Variants in SLC41A1 observed in about 807,000 individuals in gnomAD.
SLC41A1 encodes solute carrier family 41 (magnesium transporter), member 1.
A neutral mutation model predicts 47.3 loss-of-function variants in SLC41A1; 20 were observed. The observed-to-expected ratio is 0.42, with a 90% CI of 0.30 to 0.61. SLC41A1 has a LOEUF of 0.61. SLC41A1 is among the 20% of genes least tolerant of loss of function. SLC41A1 has a pLI of 0.17. For synonymous variants in SLC41A1, 282 were observed against 272.7 expected (o/e 1.03, Z -0.34); for missense variants, 504 against 674.1 (o/e 0.75, Z 2.79).
Position 205,791,493 on chromosome 1 carries a change from A to G in SLC41A1, c.*40T>C. 6.2e-7 allele frequency: 1 copy of G among 1,613,606 alleles called. No homozygotes were observed. The highest frequency in any genetic ancestry group is 8.5e-7 in the Non-Finnish European group (1 of 1,179,658). On this transcript the variant is annotated 3_prime_UTR_variant, in exon 11 of 11. Transcript: ENST00000367137. The surrounding 1 kb of genome is among the most constrained non-coding windows in gnomAD (Gnocchi z 4.0). Reference sequence around the variant, plus strand: ...GGGGAACAAAAGAAAAATTTCAAATAGAAAGTGCAGAGGGATGGGGAAAAT... The same window carrying G: ...GGGGAACAAAAGAAAAATTTCAAATGGAAAGTGCAGAGGGATGGGGAAAAT...
At chr1:205,797,466 A>G (rs1236037510) in intron 7 of SLC41A1, among the ~76,000 whole-genome samples, 2 of 152,256 alleles carry the variant, frequency 1.3e-5, no homozygotes, top group Non-Finnish European at 2.9e-5. Flanking sequence ...TGCAGCCCCA[A>G]GGCCACGCTG....
At chr1:205,807,307 G>A (rs1225533892) in intron 2 of SLC41A1, among the ~76,000 whole-genome samples, 1 of 152,142 alleles carries the variant, frequency 6.6e-6, no homozygotes. Context: ...GAAGGCTGGG[G>A]GAGGAGGACA....
At chr1:205,799,872 A>G (rs1655840370) in intron 3 of SLC41A1, 42 bp from the exon 4 acceptor site, 1 of 1,570,186 alleles carries the variant, frequency 6.4e-7, no homozygotes, top group Non-Finnish European at 8.8e-7. Context: ...CAGGCTGGAA[A>G]AGGCCTGAAG....
At chr1:205,804,978 C>T (rs1655981191) in intron 2 of SLC41A1, among the ~76,000 whole-genome samples, 2 of 152,238 alleles carry the variant, frequency 1.3e-5, no homozygotes, top group South Asian at 4.1e-4. Context: ...CAGCTAAGTT[C>T]CTCTGGTTGC....
chr1:205,798,010 C>A lies in SLC41A1; in HGVS notation c.886G>T (p.Val296Leu), dbSNP rs779830560. 3.2e-5 allele frequency: 51 copies of A among 1,613,992 alleles called. No individual in the cohort carries two copies. Among genetic ancestry groups the A allele is most frequent in the Non-Finnish European group, 3.9e-5 (46 of 1,180,038 alleles). ...ACCACCCAGACAGGCAGCAGGGCCA[C>A]AAAGAAAGCACACACCAGTGGGTAG... ...YIYPLVCAFF[V>L]ALLPVWVVLA... is the part of the protein sequence containing the mutation. Residue 296 changes from valine (V) to leucine (L), a missense_variant, in exon 7 of 11, where the codon GTG becomes TTG. Coordinates refer to ENST00000367137, the MANE Select transcript of SLC41A1 (RefSeq NM_173854.6).
At chr1:205,809,301 C>T (rs1656086536) in intron 2 of SLC41A1, among the ~76,000 whole-genome samples, 1 of 152,142 alleles carries the variant, frequency 6.6e-6, no homozygotes, top group African/African-American at 2.4e-5. Context: ...ATTCCATGTC[C>T]CACCGACTCT....
At position 205,794,468 on chromosome 1, in the gene SLC41A1, G is replaced by C. The variant is rs1485539246; in HGVS notation, c.1356+402C>G. Among the ~76,000 whole-genome samples, 5 of 152,144 alleles carry C rather than the reference G, an allele frequency of 3.3e-5. 1 individual carries two copies. The highest frequency in any genetic ancestry group is 7.4e-5 in the Non-Finnish European group (5 of 68,020). On this transcript the variant is annotated intron_variant, in intron 10 of 10. Transcript: ENST00000367137. ...TGCAGTGGTTTTGACAGTTTTTCAAGCTATGGGATGCTTTATGCAAATGAA... is the reference window on the plus strand; with the variant it reads ...TGCAGTGGTTTTGACAGTTTTTCAACCTATGGGATGCTTTATGCAAATGAA...
chr1:205,796,613 C>T (rs1411680887), intron 8 of SLC41A1: 4 of 406,554 alleles, frequency 9.8e-6, no homozygotes, highest in South Asian at 5.2e-5. Context: ...AACTTCTTTT[C>T]GTTATAAATT....
chr1:205,798,015 A>C lies in SLC41A1; in HGVS notation c.881T>G (p.Phe294Cys), dbSNP rs1345798664. The change falls in exon 7 of 11, where the codon TTC (phenylalanine) becomes TGC (cysteine). Residue 294 changes from phenylalanine to cysteine, a missense_variant. Transcript: ENST00000367137. Reference protein sequence around the residue: ...WRYIYPLVCAFFVALLPVWVV... With the variant: ...WRYIYPLVCACFVALLPVWVV... ...CCAGACAGGCAGCAGGGCCACAAAGAAAGCACACACCAGTGGGTAGATGTA... is the reference window on the plus strand; with the variant it reads ...CCAGACAGGCAGCAGGGCCACAAAGCAAGCACACACCAGTGGGTAGATGTA... 30 of 1,613,954 alleles carry C rather than the reference A, an allele frequency of 1.9e-5. No individual in the cohort carries two copies. Among genetic ancestry groups the C allele is most frequent in the Non-Finnish European group, 2.4e-5 (28 of 1,180,022 alleles).
Position 205,798,947 on chromosome 1 carries a change from C to T in SLC41A1, c.697+10G>A. 6.2e-7 allele frequency: 1 copy of T among 1,614,120 alleles called. No homozygotes were observed. The highest frequency in any genetic ancestry group is 8.5e-7 in the Non-Finnish European group (1 of 1,180,024). On this transcript the variant is annotated intron_variant, in intron 5 of 10. Transcript: ENST00000367137. ...GCACTCCTTACTCCTCTATGCCCTC[C>T]CTTTCTTACCCAGTACCAGGGAGGC... is the stretch of plus-strand genomic sequence containing the variant.
In SLC41A1 at chr1:205,799,011, A is replaced by C. The variant is rs1283224089; in HGVS notation, c.643T>G (p.Phe215Val). The C allele has an allele frequency of 2.5e-6, 4 of 1,614,044 alleles. No individual in the cohort carries two copies. The highest frequency in any genetic ancestry group is 1.7e-5 in the Admixed American group (1 of 60,032). The change falls in exon 5 of 11, where the codon TTC becomes GTC. Residue 215 changes from phenylalanine (F) to valine (V), a missense_variant. Phe to Val is a conservative substitution (Grantham distance 50). Transcript: ENST00000367137. ...PDGHFSIPHA[F>V]LLCASSVATA... The stretch of plus-strand genomic sequence containing the variant: ...GCCACGCTGCTAGCACAGAGCAGGA[A>C]GGCGTGCGGAATACTGAAGTGGCCA...
At chr1:205,799,979 T>C in intron 3 of SLC41A1, 149 bp from the exon 4 acceptor site, 1 of 719,752 alleles carries the variant, frequency 1.4e-6, no homozygotes, top group Admixed American at 2.4e-5. Flanking sequence ...TGAAGCAGGA[T>C]CAGGGAAACT....
chr1:205,791,036 A>C lies in SLC41A1; in HGVS notation c.*497T>G. ...AGGTGTCTCCTGTCCAGAGCTTTGA[A>C]GTTGGTCCACTTCTACAAAAGTATG... On this transcript the variant is annotated 3_prime_UTR_variant, in exon 11 of 11. Transcript: ENST00000367137. The surrounding 1 kb of genome is among the most constrained non-coding windows in gnomAD (Gnocchi z 4.0). 11 of 222,546 alleles carry C rather than the reference A, an allele frequency of 4.9e-5. No homozygotes were observed. Among genetic ancestry groups the C allele is most frequent in the South Asian group, 3.4e-4 (5 of 14,858 alleles). 13.8% of individuals were successfully genotyped at this position (222,546 alleles called of 1,614,324 possible).
chr1:205,805,585 C>T (rs1655997907), intron 2 of SLC41A1, among the ~76,000 whole-genome samples: 1 of 152,152 alleles, frequency 6.6e-6, no homozygotes, highest in African/African-American at 2.4e-5. Flanking sequence ...AAGTGCTGCC[C>T]TGCTTGGAGG....
intron 2 of SLC41A1, among the ~76,000 whole-genome samples, chr1:205,807,650 C>CTT (rs71152452): frequency 0.051 from 4,970 of 98,152 alleles, 434 homozygotes; most frequent in Non-Finnish European, 0.054. Flanking sequence ...CTCGTAGAGT[C>CTT]TTTTTTTTTT....
Position 205,798,081 on chromosome 1 carries a change from G to T in SLC41A1, c.845-30C>A, listed in dbSNP as rs376687403. On this transcript the variant is annotated intron_variant, in intron 6 of 10. Coordinates refer to ENST00000367137, the MANE Select transcript of SLC41A1 (RefSeq NM_173854.6). ...GAGGGCAGAGGTCAGAAGGAGATAA[G>T]CACTGTGTTTCCCTACCCTAAGTTT... is the stretch of plus-strand genomic sequence containing the variant. The T allele has an allele frequency of 3.2e-5, 51 of 1,613,976 alleles. No individual in the cohort carries two copies. The African/African-American group carries it at 5.9e-4, about 19-fold the overall frequency.
intron 3 of SLC41A1, 44 bp from the exon 4 acceptor site, chr1:205,799,874 G>T: frequency 6.4e-7 from 1 of 1,559,014 alleles, no homozygotes; most frequent in Non-Finnish European, 8.8e-7. Context: ...GGCTGGAAAA[G>T]GCCTGAAGCT....
chr1:205,811,686 A>T lies in SLC41A1; in HGVS notation c.-646-599T>A, dbSNP rs1200292181. ...ACAAAGCTAGGAGGACTCCCTGGGC[A>T]GTGGGGCAAGCCTGCCAGACCAAGG... is the stretch of plus-strand genomic sequence containing the variant. On this transcript the variant is annotated intron_variant, in intron 1 of 10. Coordinates refer to ENST00000367137, the MANE Select transcript of SLC41A1 (RefSeq NM_173854.6). Among the ~76,000 whole-genome samples the T allele has an allele frequency of 2.0e-5, 3 of 152,338 alleles. No homozygotes were observed. In the East Asian group the frequency reaches 5.8e-4, roughly 29 times the overall value.
rs765909617 is a variant in SLC41A1, at chr1:205,791,656, G to A, written c.1419C>T (p.Asp473=). 1.2e-6 allele frequency: 2 copies of A among 1,614,088 alleles called. No individual in the cohort carries two copies. The highest frequency in any genetic ancestry group is 1.7e-6 in the Non-Finnish European group (2 of 1,180,024). Residue 473 remains aspartate, a synonymous_variant, in exon 11 of 11, where the codon GAC becomes GAT. Transcript: ENST00000367137. This position sits in a 1 kb window ranked among gnomAD's most constrained non-coding sequence, Gnocchi z 4.0. ...MVHWMWGRGL[D]PDNFSIPYLT... is the part of the protein sequence containing the mutation. ...AGTATGGGATGGAGAAGTTGTCCGG[G>A]TCCAGGCCCCGGCCCCACATCCAGT...
Sources: gnomAD v4.1 joint callset for allele counts (sites outside exome capture counted in the v4.1 genomes callset) on GRCh38, gnomAD v4.1.1 for gene constraint, Gnocchi (gnomAD v3.1) non-coding constraint, MANE v1.5 for transcripts, NCBI Gene and HGNC (gene_info 2026-07-23, HGNC 2026-07-21) for gene names.